Variants in ZCCHC17 observed in about 807,000 individuals in gnomAD.
ZCCHC17 encodes zinc finger CCHC domain-containing protein 17.
In ZCCHC17, 18 loss-of-function variants were observed where a neutral mutation model predicts 30.6. That is an observed-to-expected ratio of 0.59 (90% CI 0.41 to 0.87). ZCCHC17 has a LOEUF of 0.87. Ranked by LOEUF, ZCCHC17 falls within the 40% of genes least tolerant of loss-of-function variation. The probability of loss-of-function intolerance (pLI) is 0.00; values close to 1 mark genes in which losing one functional copy is unlikely to be tolerated. For missense variants in ZCCHC17, 263 were observed against 284.2 expected, an observed-to-expected ratio of 0.93 and a Z score of 0.54; for synonymous variants, 88 against 92.4, an observed-to-expected ratio of 0.95 and a Z score of 0.27.
intron 7 of ZCCHC17, among the ~76,000 whole-genome samples, chr1:31,363,787 A>T (rs1372809449): frequency 2.0e-5 from 3 of 152,294 alleles, no homozygotes; most frequent in African/African-American, 7.2e-5. Flanking sequence ...ACTGTCTAAA[A>T]GAAAATTAAG....
chr1:31,341,909 T>A lies in ZCCHC17; in HGVS notation c.317+2861T>A, dbSNP rs200483951. On this transcript the variant is annotated intron_variant, in intron 5 of 7. Coordinates refer to ENST00000344147, the MANE Select transcript of ZCCHC17 (RefSeq NM_016505.4). ...TGTTTTATCCTCTAATATCTGAGATTATAGCACCTTTTCTTTTTTCCTCAT... is the reference window on the plus strand; with the variant it reads ...TGTTTTATCCTCTAATATCTGAGATAATAGCACCTTTTCTTTTTTCCTCAT... Among the ~76,000 whole-genome samples, 17 of 152,318 alleles carry A rather than the reference T, an allele frequency of 1.1e-4. No homozygotes were observed. The East Asian group carries it at 3.1e-3, about 28-fold the overall frequency.
At chr1:31,303,148 G>A (rs189106625) in intron 1 of ZCCHC17, among the ~76,000 whole-genome samples, 31 of 151,916 alleles carry the variant, frequency 2.0e-4, no homozygotes, top group Middle Eastern at 3.4e-3. Flanking sequence ...AGCCAAGCTC[G>A]TTGGTGTGTT....
chr1:31,339,041 A>G lies in ZCCHC17; in HGVS notation c.310A>G (p.Ile104Val), dbSNP rs1302527112. Residue 104 changes from isoleucine (I) to valine (V), a missense_variant, in exon 5 of 8, where the codon ATC (isoleucine) becomes GTC (valine). By Grantham distance (29) the Ile-to-Val change is conservative (BLOSUM62 3). Coordinates refer to ENST00000344147, the MANE Select transcript of ZCCHC17 (RefSeq NM_016505.4). Reference protein sequence around the residue: ...TGKDLDPNNVIIEQEERRRRS... With the variant: ...TGKDLDPNNVVIEQEERRRRS... ...GAAAGACCTTGATCCCAACAATGTTATCATTGAGTAAGTAAAAGGTTTGGA... is the reference window on the plus strand; with the variant it reads ...GAAAGACCTTGATCCCAACAATGTTGTCATTGAGTAAGTAAAAGGTTTGGA... The G allele has an allele frequency of 1.2e-6, 2 of 1,604,428 alleles. No individual in the cohort carries two copies. The highest frequency in any genetic ancestry group is 8.5e-7 in the Non-Finnish European group (1 of 1,176,990).
intron 7 of ZCCHC17, among the ~76,000 whole-genome samples, chr1:31,353,147 C>T (rs1288333156): frequency 6.6e-6 from 1 of 152,122 alleles, no homozygotes; most frequent in Non-Finnish European, 1.5e-5. Context: ...TTTTCATGTG[C>T]TTATTGGCCA....
intron 7 of ZCCHC17, among the ~76,000 whole-genome samples, chr1:31,355,003 C>T (rs376421525): frequency 1.3e-5 from 2 of 152,028 alleles, no homozygotes; most frequent in African/African-American, 2.4e-5. Context: ...GGCAAAACCC[C>T]GTCTCTACTA....
In ZCCHC17 at chr1:31,316,425, G is replaced by C. The variant is rs192354687; in HGVS notation, c.67-2684G>C. Among the ~76,000 whole-genome samples the C allele has an allele frequency of 1.6e-3, 250 of 152,180 alleles. 2 individuals are homozygous for C. Among genetic ancestry groups the C allele is most frequent in the South Asian group, 1.7e-3 (8 of 4,820 alleles). On this transcript the variant is annotated intron_variant, in intron 2 of 7. Transcript: ENST00000344147. ...CCCAGATGCTACTTTTAAGTTTGTT[G>C]GATGATTATGTTCTTTAATAATGTT...
chr1:31,321,763 G>A (rs1271832932), intron 3 of ZCCHC17, among the ~76,000 whole-genome samples: 1 of 152,188 alleles, frequency 6.6e-6, no homozygotes, highest in African/African-American at 2.4e-5. Flanking sequence ...CACCACACCT[G>A]CCTTTTCCCT....
chr1:31,349,873 C>A (rs897103451), intron 7 of ZCCHC17, among the ~76,000 whole-genome samples: 5 of 152,094 alleles, frequency 3.3e-5, no homozygotes, highest in African/African-American at 1.2e-4. Flanking sequence ...TTACTTCCAA[C>A]CTAAATTTTT....
intron 3 of ZCCHC17, chr1:31,333,089 T>G (rs1638655586): frequency 6.6e-6 from 1 of 152,214 alleles, no homozygotes; most frequent in Non-Finnish European, 1.5e-5. Context: ...CTTTATTCTG[T>G]CATTCAGATG....
intron 1 of ZCCHC17, among the ~76,000 whole-genome samples, chr1:31,300,888 G>A (rs1229005363): frequency 1.3e-5 from 2 of 150,560 alleles, no homozygotes; most frequent in Non-Finnish European, 3.0e-5. Flanking sequence ...AGCTAAGATC[G>A]CGCCATTGCA....
Position 31,317,024 on chromosome 1 carries a change from CT to C in ZCCHC17, c.67-2067del, listed in dbSNP as rs1196920105. Among the ~76,000 whole-genome samples, 645 of 126,544 alleles carry C rather than the reference CT, an allele frequency of 5.1e-3. 2 individuals are homozygous for C. The highest frequency in any genetic ancestry group is 0.012 in the African/African-American group (402 of 33,208). The allele number at this position is 126,544 out of a possible 152,430, so 83.0% of individuals were successfully genotyped here. On this transcript the variant is annotated intron_variant, in intron 2 of 7. Transcript: ENST00000344147. ...CGAGGTTCTATCCCTAACTTTTTTT[CT>C]TTTTTTTTTTTTTTTTTGAGATGAA...
chr1:31,326,639 A>G (rs537647825), intron 3 of ZCCHC17, among the ~76,000 whole-genome samples: 19 of 152,254 alleles, frequency 1.2e-4, no homozygotes, highest in African/African-American at 3.6e-4. Context: ...CCAGCAGTCA[A>G]TCTTCAACTC....
intron 5 of ZCCHC17, among the ~76,000 whole-genome samples, chr1:31,342,234 G>A (rs956379776): frequency 8.6e-5 from 13 of 151,804 alleles, no homozygotes; most frequent in African/African-American, 2.9e-4. Flanking sequence ...TAGTAGAGAC[G>A]GGGTTTCACC....
chr1:31,298,253 A>G lies in ZCCHC17; in HGVS notation c.-56+1178A>G, dbSNP rs377228772. Among the ~76,000 whole-genome samples, 3 of 152,154 alleles carry G rather than the reference A, an allele frequency of 2.0e-5. No individual in the cohort carries two copies. In the East Asian group the frequency reaches 5.8e-4, roughly 29 times the overall value. Reference sequence around the variant, plus strand: ...GATGGGTTGATTTTAGGGAGTGAAGAGAGGAATCAAAGGTAACTCCTAGGT... The same window carrying G: ...GATGGGTTGATTTTAGGGAGTGAAGGGAGGAATCAAAGGTAACTCCTAGGT... On this transcript the variant is annotated intron_variant, in intron 1 of 7. Coordinates refer to ENST00000344147, the MANE Select transcript of ZCCHC17 (RefSeq NM_016505.4).
intron 3 of ZCCHC17, among the ~76,000 whole-genome samples, chr1:31,319,794 T>C (rs994384068): frequency 3.9e-5 from 6 of 152,134 alleles, no homozygotes; most frequent in African/African-American, 1.2e-4. Context: ...TTCTACTATA[T>C]CACACTGCTG....
intron 3 of ZCCHC17, among the ~76,000 whole-genome samples, chr1:31,330,593 T>A (rs4949387): frequency 0.54 from 82,561 of 151,978 alleles, 23,331 homozygotes; most frequent in Non-Finnish European, 0.62. Flanking sequence ...CTCCTTTTTT[T>A]AATTGTAAGG....
chr1:31,334,553 G>A lies in ZCCHC17; in HGVS notation c.125-2622G>A, dbSNP rs186947199. ...TAATCCTCTATTATTATTTATTATC[G>A]AAAATAAATGAAAAGGTTAACTTGT... is the stretch of plus-strand genomic sequence containing the variant. On this transcript the variant is annotated intron_variant, in intron 3 of 7. Coordinates refer to ENST00000344147, the MANE Select transcript of ZCCHC17 (RefSeq NM_016505.4). Among the ~76,000 whole-genome samples, 649 of 151,912 alleles carry A rather than the reference G, an allele frequency of 4.3e-3. 3 individuals are homozygous for A. The highest frequency in any genetic ancestry group is 7.7e-3 in the Non-Finnish European group (523 of 67,954).
intron 7 of ZCCHC17, 89 bp from the exon 8 acceptor site, chr1:31,363,943 G>A (rs945290378): frequency 1.3e-6 from 2 of 1,524,882 alleles, no homozygotes; most frequent in African/African-American, 1.4e-5. Context: ...GATTACAGGT[G>A]TGAGCCACTG....
At chr1:31,339,200 G>A (rs1638938745) in intron 5 of ZCCHC17, 152 bp downstream of exon 5, 2 of 642,784 alleles carry the variant, frequency 3.1e-6, no homozygotes, top group Admixed American at 6.8e-5. Flanking sequence ...TTTTAGAAAT[G>A]TAAAATGAAG....
Sources: gnomAD v4.1 joint callset for allele counts (sites outside exome capture counted in the v4.1 genomes callset) on GRCh38, gnomAD v4.1.1 for gene constraint, MANE v1.5 for transcripts, NCBI Gene and HGNC (gene_info 2026-07-23, HGNC 2026-07-21) for gene names.